Variants in UNC79 observed in about 807,000 individuals in gnomAD.
The protein encoded by UNC79 is protein unc-79 homolog.
Under a neutral mutation model 283.1 loss-of-function variants are expected in UNC79, and 37 were observed. The observed-to-expected ratio is 0.13, with a 90% confidence interval of 0.10 to 0.17. The LOEUF is 0.17. Among genes scored for constraint, UNC79 ranks in the 10% least tolerant of loss-of-function variants. UNC79 has a pLI of 1.00. For synonymous variants in UNC79, 1,107 were observed against 1,200.2 expected, an observed-to-expected ratio of 0.92 and a Z score of 1.61; for missense variants, 2,272 against 3,211.1, an observed-to-expected ratio of 0.71 and a Z score of 7.07.
At chr14:93,467,650 T>TGG (rs2140266429) in intron 1 of UNC79, 21 bp from the exon 2 acceptor site, 1 of 1,074,584 alleles carries the variant, frequency 9.3e-7, no homozygotes, top group Non-Finnish European at 1.1e-6. Flanking sequence ...TTTTTTTTTT[T>TGG]TTTTTTTTGC....
chr14:93,665,415 G>T (rs899670545), intron 40 of UNC79, among the ~76,000 whole-genome samples: 3 of 151,674 alleles, frequency 2.0e-5, no homozygotes, highest in African/African-American at 7.3e-5. Context: ...ATAAAGAGAT[G>T]AATATAAAGA....
chr14:93,607,212 T>A (rs2065946947), intron 26 of UNC79, among the ~76,000 whole-genome samples: 1 of 152,212 alleles, frequency 6.6e-6, no homozygotes, highest in African/African-American at 2.4e-5. Context: ...AGTTATTATG[T>A]TATATAAGCA....
At chr14:93,335,647 C>T (rs774558668) in intron 1 of UNC79, among the ~76,000 whole-genome samples, 1 of 152,142 alleles carries the variant, frequency 6.6e-6, no homozygotes, top group African/African-American at 2.4e-5. Flanking sequence ...TCTATTTCTC[C>T]GGGATTATGA....
At chr14:93,555,291 T>C (rs2062107228) in intron 14 of UNC79, among the ~76,000 whole-genome samples, 1 of 86,156 alleles carries the variant, frequency 1.2e-5, no homozygotes, top group Non-Finnish European at 2.3e-5. Context: ...TTTACATATC[T>C]TGGTAGTAAG....
chr14:93,558,269 C>T (rs2062299146), intron 14 of UNC79, among the ~76,000 whole-genome samples: 1 of 152,186 alleles, frequency 6.6e-6, no homozygotes, highest in Non-Finnish European at 1.5e-5. Flanking sequence ...TAATCAAAAC[C>T]TTGCAGGCTG....
chr14:93,512,686 G>A (rs1026751362), intron 7 of UNC79, among the ~76,000 whole-genome samples: 1 of 151,916 alleles, frequency 6.6e-6, no homozygotes, highest in African/African-American at 2.4e-5. Flanking sequence ...TTTTATATAT[G>A]CTATCTTTTC....
At chr14:93,645,624 A>G (rs1176899896) in intron 34 of UNC79, among the ~76,000 whole-genome samples, 4 of 152,246 alleles carry the variant, frequency 2.6e-5, no homozygotes, top group Non-Finnish European at 4.4e-5. Flanking sequence ...GCTCAGCATA[A>G]CGCTTTCGTG....
intron 1 of UNC79, among the ~76,000 whole-genome samples, chr14:93,354,480 AAAC>A (rs1484038347): frequency 2.0e-5 from 3 of 152,200 alleles, no homozygotes; most frequent in African/African-American, 7.2e-5. Flanking sequence ...TCAAAATCTG[AAAC>A]ACTTCTGGTC....
chr14:93,626,455 AT>A (rs200235489), intron 30 of UNC79, among the ~76,000 whole-genome samples: 9 of 151,108 alleles, frequency 6.0e-5, no homozygotes, highest in Non-Finnish European at 1.2e-4. Context: ...CTCTCTTAGT[AT>A]TTTTTTTTCC....
chr14:93,662,730 T>C lies in UNC79; in HGVS notation c.6636+16T>C. On this transcript the variant is annotated intron_variant, in intron 40 of 48. Transcript: ENST00000555664. Reference sequence around the variant, plus strand: ...TTTCACTAAGGTAAGCAAGCTTCCATATGTGTGTTCCTGTGAAACTGAAAA... The same window carrying C: ...TTTCACTAAGGTAAGCAAGCTTCCACATGTGTGTTCCTGTGAAACTGAAAA... 1 of 1,581,760 alleles carries C rather than the reference T, an allele frequency of 6.3e-7. No homozygotes were observed. Among genetic ancestry groups the C allele is most frequent in the Non-Finnish European group, 8.7e-7 (1 of 1,155,454 alleles).
intron 47 of UNC79, among the ~76,000 whole-genome samples, chr14:93,703,334 G>T (rs923536657): frequency 6.6e-6 from 1 of 152,220 alleles, no homozygotes; most frequent in South Asian, 2.1e-4. Flanking sequence ...TGTCGGCAGG[G>T]TTGGTTTCTT....
intron 7 of UNC79, among the ~76,000 whole-genome samples, chr14:93,518,308 T>G (rs2060165613): frequency 6.6e-6 from 1 of 151,888 alleles, no homozygotes; most frequent in African/African-American, 2.4e-5. Flanking sequence ...TTTTATTGAG[T>G]TATAGTGAGT....
In UNC79 at chr14:93,588,849, G is replaced by A. The variant is rs115302325; in HGVS notation, c.3032+1941G>A. ...AGTTAGTGGGTGCAAGTTCTGGAAG[G>A]CAGGAGAGTGTGCGATCAAGAACAA... On this transcript the variant is annotated intron_variant, in intron 22 of 48. Coordinates refer to ENST00000555664, the Ensembl canonical transcript of UNC79. 3.4e-3 allele frequency among the ~76,000 whole-genome samples: 522 copies of A among 152,038 alleles called. 3 individuals are homozygous for A. The highest frequency in any genetic ancestry group is 0.012 in the African/African-American group (495 of 41,462).
At chr14:93,634,618 C>T (rs1468443206) in intron 31 of UNC79, 17 of 1,613,912 alleles carry the variant, frequency 1.1e-5, no homozygotes, top group Non-Finnish European at 1.0e-5. Context: ...CCCCCCATAA[C>T]ATCAGCAACT....
intron 40 of UNC79, 57 bp from the exon 44 acceptor site, chr14:93,673,294 A>T: frequency 1.3e-6 from 2 of 1,513,668 alleles, no homozygotes; most frequent in East Asian, 4.5e-5. Flanking sequence ...TTTGACATGG[A>T]TATACTCTAA....
At chr14:93,675,481 T>C (rs2073262606) in intron 41 of UNC79, among the ~76,000 whole-genome samples, 1 of 152,128 alleles carries the variant, frequency 6.6e-6, no homozygotes, top group East Asian at 1.9e-4. Flanking sequence ...TCCCACATAG[T>C]GCAACGGGTA....
intron 24 of UNC79, among the ~76,000 whole-genome samples, chr14:93,598,040 T>G (rs1392745614): frequency 3.9e-5 from 6 of 152,212 alleles, no homozygotes; most frequent in African/African-American, 1.4e-4. Context: ...CTTACTCTGT[T>G]GCCCAGGCTG....
intron 1 of UNC79, among the ~76,000 whole-genome samples, chr14:93,399,912 C>T (rs1566912759): frequency 6.6e-6 from 1 of 152,148 alleles, no homozygotes; most frequent in Non-Finnish European, 1.5e-5. Context: ...AGCTTAATTA[C>T]TAGGCCACAG....
At chr14:93,515,163 T>C (rs2140903198) in intron 7 of UNC79, among the ~76,000 whole-genome samples, 1 of 152,256 alleles carries the variant, frequency 6.6e-6, no homozygotes, top group Non-Finnish European at 1.5e-5. Flanking sequence ...TTATTATATA[T>C]CTTTTCTTTC....
Sources: gnomAD v4.1 joint callset for allele counts (sites outside exome capture counted in the v4.1 genomes callset) on GRCh38, gnomAD v4.1.1 for gene constraint, MANE v1.5 for transcripts, NCBI Gene and HGNC (gene_info 2026-07-23, HGNC 2026-07-21) for gene names.